OR51M1: variants seen among roughly 807,000 people sequenced by gnomAD.
OR51M1 encodes olfactory receptor family 51 subfamily M member 1.
For synonymous variants in OR51M1, 199 were observed against 155.1 expected (o/e 1.28, Z -2.10); for missense variants, 509 against 404.4 (o/e 1.26, Z -2.22).
intron 2 of OR51M1, among the ~76,000 whole-genome samples, chr11:5,386,627 T>G (rs1040867073): frequency 8.6e-5 from 13 of 151,944 alleles, no homozygotes; most frequent in Admixed American, 1.3e-4. Context: ...GTTAGTACTT[T>G]CTGCATAATC....
rs1200957663 is a variant in OR51M1, at chr11:5,391,078, G to C, written c.*699G>C. ...AAGCTACAGTCAGTATTTACTTGTA[G>C]GTGTTTTAGTTGTGTGATATTGAAC... On this transcript the variant is annotated 3_prime_UTR_variant, in exon 3 of 3. Transcript: ENST00000642046. 6.6e-6 allele frequency: 1 copy of C among 152,174 alleles called. No homozygotes were observed. The highest frequency in any genetic ancestry group is 1.5e-5 in the Non-Finnish European group (1 of 68,046). 9.4% of individuals were successfully genotyped at this position (152,174 alleles called of 1,614,324 possible). A position where few individuals can be genotyped will look rare whatever the true frequency, so the allele number is the denominator to read the frequency against.
In OR51M1 at chr11:5,390,174, C is replaced by T. The variant is rs771236387; in HGVS notation, c.776C>T (p.Ala259Val). 1.1e-5 allele frequency: 17 copies of T among 1,613,848 alleles called. No homozygotes were observed. The highest frequency in any genetic ancestry group is 2.7e-5 in the African/African-American group (2 of 74,942). The part of the protein sequence containing the change: ...AFQTCTAPLC[A>V]VLVFFVPMMG... ...CAGACATGCACCGCTCCTCTCTGTG[C>T]TGTGCTAGTATTCTTTGTGCCCATG... Residue 259 changes from alanine to valine, a missense_variant, in exon 3 of 3, where the codon GCT becomes GTT. Coordinates refer to ENST00000642046, the MANE Select transcript of OR51M1 (RefSeq NM_001004756.3).
chr11:5,386,125 T>C (rs1220150570), intron 2 of OR51M1, among the ~76,000 whole-genome samples: 2 of 151,990 alleles, frequency 1.3e-5, no homozygotes, highest in Non-Finnish European at 2.9e-5. Context: ...TCTTAAAGGA[T>C]CCGCAAGTGT....
rs1471215303 is a variant in OR51M1, at chr11:5,385,457, A to G, written c.-17A>G. The G allele has an allele frequency of 6.6e-6, 1 of 152,108 alleles. No homozygotes were observed. The highest frequency in any genetic ancestry group is 1.5e-5 in the Non-Finnish European group (1 of 68,036). The allele number at this position is 152,108 out of a possible 1,614,324, so 9.4% of individuals were successfully genotyped here. On this transcript the variant is annotated splice_region_variant and 5_prime_UTR_variant, in exon 2 of 3. Transcript: ENST00000642046. ...CCCAGGCACAAAGAATCAGGATAAG[A>G]GGTGAGTACTTTATTTATTCACCCA...
chr11:5,389,686 C>A lies in OR51M1; in HGVS notation c.288C>A (p.Ile96=). 1 of 1,613,672 alleles carries A rather than the reference C, an allele frequency of 6.2e-7. No homozygotes were observed. Among genetic ancestry groups the A allele is most frequent in the Non-Finnish European group, 8.5e-7 (1 of 1,179,846 alleles). The change falls in exon 3 of 3, where the codon ATC becomes ATA. Residue 96 remains isoleucine (I), a synonymous_variant. Transcript: ENST00000642046. ...CCACGTTGCCCACCACTATGGGGAT[C>A]TTCTGGTTTAACTCCCATAGTATCT... The part of the protein sequence containing the change: ...CVSTLPTTMG[I]FWFNSHSIYF...
chr11:5,386,610 T>C (rs1454822255), intron 2 of OR51M1, among the ~76,000 whole-genome samples: 1 of 152,038 alleles, frequency 6.6e-6, no homozygotes, highest in African/African-American at 2.4e-5. Context: ...GTGCAGTGAT[T>C]CATAGAGTTA....
chr11:5,389,883 T>C lies in OR51M1; in HGVS notation c.485T>C (p.Phe162Ser). ...QVVRAGLIVI[F>S]RGPVATIPIV... is the part of the protein sequence containing the mutation. ...GTCAGAGCAGGCCTAATTGTCATCT[T>C]CCGGGGACCTGTGGCCACTATCCCT... The change falls in exon 3 of 3, where the codon TTC becomes TCC. Residue 162 changes from phenylalanine (F) to serine (S), a missense_variant. Physicochemically the swap from Phe to Ser is radical, Grantham distance 155. Coordinates refer to ENST00000642046, the MANE Select transcript of OR51M1 (RefSeq NM_001004756.3). The C allele has an allele frequency of 1.2e-6, 2 of 1,613,016 alleles. No homozygotes were observed. The highest frequency in any genetic ancestry group is 1.7e-6 in the Non-Finnish European group (2 of 1,179,890).
chr11:5,390,168 T>TGTG lies in OR51M1; in HGVS notation c.770_771insGTG (p.Cys258dup), dbSNP rs775223586. On this transcript the variant is annotated inframe_insertion, in exon 3 of 3. Transcript: ENST00000642046. ...GCCTTTCAGACATGCACCGCTCCTC[T>TGTG]CTGTGCTGTGCTAGTATTCTTTGTG... 2 of 1,613,632 alleles carry TGTG rather than the reference T, an allele frequency of 1.2e-6. No homozygotes were observed. The highest frequency in any genetic ancestry group is 4.5e-5 in the East Asian group (2 of 44,856).
At chr11:5,388,681 C>G (rs910231813) in intron 2 of OR51M1, among the ~76,000 whole-genome samples, 1 of 150,744 alleles carries the variant, frequency 6.6e-6, no homozygotes, top group African/African-American at 2.4e-5. Context: ...CATTTTAAAC[C>G]TTTTTTACTT....
Position 5,392,972 on chromosome 11 carries a change from G to C in OR51M1, c.*2593G>C, listed in dbSNP as rs1271102660. On this transcript the variant is annotated 3_prime_UTR_variant, in exon 3 of 3. Transcript: ENST00000642046. ...TGCTGTTAAGTATGTGGTAAAAGAG[G>C]TATTTTCACATACCAGAATGAAAAC... is the stretch of plus-strand genomic sequence containing the variant. 6.6e-6 allele frequency: 1 copy of C among 152,148 alleles called. No homozygotes were observed. Among genetic ancestry groups the C allele is most frequent in the Non-Finnish European group, 1.5e-5 (1 of 68,024 alleles). The allele number at this position is 152,148 out of a possible 1,614,324, so 9.4% of individuals were successfully genotyped here. A position where few individuals can be genotyped will look rare whatever the true frequency, so the allele number is the denominator to read the frequency against.
In OR51M1 at chr11:5,389,662, C is replaced by T. The variant is rs1455280510; in HGVS notation, c.264C>T (p.Ser88=). The T allele has an allele frequency of 6.2e-7, 1 of 1,613,574 alleles. No homozygotes were observed. The highest frequency in any genetic ancestry group is 2.2e-5 in the East Asian group (1 of 44,876). The change falls in exon 3 of 3, where the codon TCC becomes TCT. Residue 88 remains serine, a synonymous_variant. Transcript: ENST00000642046. The stretch of plus-strand genomic sequence containing the variant: ...TCACTGACCTGGGGCTGTGTGTGTC[C>T]ACGTTGCCCACCACTATGGGGATCT... The part of the protein sequence containing the change: ...LALTDLGLCV[S]TLPTTMGIFW...
In OR51M1 at chr11:5,390,002, A is replaced by T; in HGVS notation, c.604A>T (p.Thr202Ser). The change falls in exon 3 of 3, where the codon ACA becomes TCA. Residue 202 changes from threonine to serine, a missense_variant. Coordinates refer to ENST00000642046, the MANE Select transcript of OR51M1 (RefSeq NM_001004756.3). ...CCAGGAAGTGATACAGCTGGCCTGC[A>T]CAGATATCACCTTCAATAATCTGTA... ...LHQEVIQLAC[T>S]DITFNNLYGL... 1 of 1,613,226 alleles carries T rather than the reference A, an allele frequency of 6.2e-7. No individual in the cohort carries two copies. The highest frequency in any genetic ancestry group is 8.5e-7 in the Non-Finnish European group (1 of 1,179,892).
chr11:5,387,716 C>T (rs907415137), intron 2 of OR51M1, among the ~76,000 whole-genome samples: 1 of 85,572 alleles, frequency 1.2e-5, no homozygotes, highest in African/African-American at 4.1e-5. Flanking sequence ...TTCACTTGTT[C>T]TTCCTCCTTC....
In OR51M1 at chr11:5,390,299, C is replaced by A. The variant is rs768566489; in HGVS notation, c.901C>A (p.Pro301Thr). ...CCTTTTTGTGCCTCCCATGCTTAACCCAATCATATACAGCATTAAGACCAA... is the reference window on the plus strand; with the variant it reads ...CCTTTTTGTGCCTCCCATGCTTAACACAATCATATACAGCATTAAGACCAA... ...VYLFVPPMLNPIIYSIKTKEI... is the reference protein window; with the variant it reads ...VYLFVPPMLNTIIYSIKTKEI... The change falls in exon 3 of 3, where the codon CCA (proline) becomes ACA (threonine). Residue 301 changes from proline to threonine, a missense_variant. Transcript: ENST00000642046. The A allele has an allele frequency of 3.5e-5, 56 of 1,613,424 alleles. No homozygotes were observed. Among genetic ancestry groups the A allele is most frequent in the Non-Finnish European group, 4.5e-5 (53 of 1,179,796 alleles).
Position 5,390,673 on chromosome 11 carries a change from A to C in OR51M1, c.*294A>C. ...GTAACTAAAACTAAAATGAAACTAA[A>C]TAAAAACTAAAAAGAACAATAAATA... On this transcript the variant is annotated 3_prime_UTR_variant, in exon 3 of 3. Coordinates refer to ENST00000642046, the MANE Select transcript of OR51M1 (RefSeq NM_001004756.3). 1 of 316,222 alleles carries C rather than the reference A, an allele frequency of 3.2e-6. No homozygotes were observed. Among genetic ancestry groups the C allele is most frequent in the Non-Finnish European group, 5.8e-6 (1 of 172,452 alleles). 19.6% of individuals were successfully genotyped at this position (316,222 alleles called of 1,614,324 possible). A position where few individuals can be genotyped will look rare whatever the true frequency, so the allele number is the denominator to read the frequency against.
rs1271916311 is a variant in OR51M1, at chr11:5,390,565, G to A, written c.*186G>A. Reference sequence around the variant, plus strand: ...GAACTTCTCTTGCTTAGATTTTAATGGCTCCTCCTACAGCTGAGAACTGGC... The same window carrying A: ...GAACTTCTCTTGCTTAGATTTTAATAGCTCCTCCTACAGCTGAGAACTGGC... On this transcript the variant is annotated 3_prime_UTR_variant, in exon 3 of 3. Transcript: ENST00000642046. The A allele has an allele frequency of 1.7e-6, 1 of 579,258 alleles. No individual in the cohort carries two copies. The highest frequency in any genetic ancestry group is 3.2e-5 in the Admixed American group (1 of 31,150). The allele number at this position is 579,258 out of a possible 1,614,324, so 35.9% of individuals were successfully genotyped here.
In OR51M1 at chr11:5,393,067, T is replaced by C. The variant is rs1849820751; in HGVS notation, c.*2688T>C. ...CTTGAAAATATTCATGCTCTGTGTC[T>C]CAGAAATGCCACTTCTAAAAATCTG... On this transcript the variant is annotated 3_prime_UTR_variant, in exon 3 of 3. Transcript: ENST00000642046. 6.6e-6 allele frequency: 1 copy of C among 152,216 alleles called. No individual in the cohort carries two copies. Among genetic ancestry groups the C allele is most frequent in the South Asian group, 2.1e-4 (1 of 4,836 alleles). 9.4% of individuals were successfully genotyped at this position (152,216 alleles called of 1,614,324 possible).
At chr11:5,384,415 A>T (rs941232865) in intron 1 of OR51M1, among the ~76,000 whole-genome samples, 5 of 152,328 alleles carry the variant, frequency 3.3e-5, no homozygotes, top group Admixed American at 3.3e-4. Flanking sequence ...TGATATTCTC[A>T]GAGTCTATGC....
chr11:5,384,467 T>C (rs1380986863), intron 1 of OR51M1, among the ~76,000 whole-genome samples: 1 of 152,186 alleles, frequency 6.6e-6, no homozygotes, highest in African/African-American at 2.4e-5. Context: ...CAGGACCTTC[T>C]CTTGCTGGAA....
Sources: allele counts gnomAD v4.1 joint callset (sites outside exome capture counted in the v4.1 genomes callset), GRCh38; gene constraint gnomAD v4.1.1; transcripts MANE v1.5; gene names NCBI Gene and HGNC (gene_info 2026-07-23, HGNC 2026-07-21).